The following BTF3L4 variants were observed in gnomAD, a reference collection of about 807,000 sequenced individuals.
The protein encoded by BTF3L4 is transcription factor BTF3 homolog 4.
BTF3L4 carries 6 observed loss-of-function variants against 16.8 expected under a neutral mutation model. The observed-to-expected ratio is 0.36, with a 90% CI of 0.20 to 0.71. BTF3L4 has a LOEUF of 0.71. BTF3L4 is among the 30% of genes least tolerant of loss of function. The probability of loss-of-function intolerance (pLI) is 0.58; values close to 1 mark genes in which losing one functional copy is unlikely to be tolerated. For synonymous variants in BTF3L4, 39 were observed against 59.8 expected (o/e 0.65, Z 1.60); for missense variants, 92 against 186.9 (o/e 0.49, Z 2.96).
chr1:52,082,246 CAG>C (rs1385923704), intron 3 of BTF3L4, among the ~76,000 whole-genome samples: 2 of 152,164 alleles, frequency 1.3e-5, no homozygotes, highest in East Asian at 3.8e-4. Context: ...CCTTCCATTT[CAG>C]TAAGTCCCAG....
chr1:52,085,578 G>A lies in BTF3L4; in HGVS notation c.371-534G>A, dbSNP rs1484716295. On this transcript the variant is annotated intron_variant, in intron 4 of 5. Transcript: ENST00000313334. ...AATTTTATCTTTGTAGGCCGTGTGT[G>A]GTGGCTTATGTCGGTAATCCCAGCA... is the stretch of plus-strand genomic sequence containing the variant. Among the ~76,000 whole-genome samples the A allele has an allele frequency of 3.3e-5, 5 of 152,142 alleles. No homozygotes were observed. In the East Asian group the frequency reaches 9.7e-4, roughly 29 times the overall value.
chr1:52,058,236 C>T (rs1321546783), intron 1 of BTF3L4, among the ~76,000 whole-genome samples: 1 of 152,200 alleles, frequency 6.6e-6, no homozygotes, highest in Non-Finnish European at 1.5e-5. Flanking sequence ...AAACACACTT[C>T]CTCCTATAAA....
chr1:52,087,439 C>A lies in BTF3L4; in HGVS notation c.*681C>A, dbSNP rs530863514. 1 of 152,136 alleles carries A rather than the reference C, an allele frequency of 6.6e-6. No individual in the cohort carries two copies. The highest frequency in any genetic ancestry group is 1.5e-5 in the Non-Finnish European group (1 of 68,028). 9.4% of individuals were successfully genotyped at this position (152,136 alleles called of 1,614,324 possible). A position where few individuals can be genotyped will look rare whatever the true frequency, so the allele number is the denominator to read the frequency against. On this transcript the variant is annotated 3_prime_UTR_variant, in exon 6 of 6. Transcript: ENST00000313334. Reference sequence around the variant, plus strand: ...TTTTACTAGCTTGCTTCCTAAATGCCTTTTTTCCTCTCCTTTTGGTCTCCA... The same window carrying A: ...TTTTACTAGCTTGCTTCCTAAATGCATTTTTTCCTCTCCTTTTGGTCTCCA...
chr1:52,059,903 T>G lies in BTF3L4; in HGVS notation c.54+2T>G. The G allele has an allele frequency of 1.2e-6, 2 of 1,611,060 alleles. No individual in the cohort carries two copies. Among genetic ancestry groups the G allele is most frequent in the Non-Finnish European group, 1.7e-6 (2 of 1,178,408 alleles). ...GCTCAGGTCCGGATAGGGGGCAAGG[T>G]GAGTGTGGCATAAGAAAAATTGATA... On this transcript the variant is annotated splice_donor_variant, in intron 2 of 5. Coordinates refer to ENST00000313334, the MANE Select transcript of BTF3L4 (RefSeq NM_152265.5). LOFTEE classifies it high-confidence loss of function.
intron 3 of BTF3L4, among the ~76,000 whole-genome samples, chr1:52,081,936 G>A (rs1477252429): frequency 6.6e-6 from 1 of 152,170 alleles, no homozygotes; most frequent in Admixed American, 6.6e-5. Context: ...AATCACCTCT[G>A]AGGAAGAAAA....
At chr1:52,061,792 C>T (rs999154386) in intron 2 of BTF3L4, among the ~76,000 whole-genome samples, 2 of 151,464 alleles carry the variant, frequency 1.3e-5, no homozygotes, top group African/African-American at 2.4e-5. Context: ...AGGCATATGC[C>T]ACCATGCCCA....
At chr1:52,058,781 A>G (rs2124409612) in intron 1 of BTF3L4, among the ~76,000 whole-genome samples, 1 of 152,166 alleles carries the variant, frequency 6.6e-6, no homozygotes, top group South Asian at 2.1e-4. Flanking sequence ...TTGTATTTTT[A>G]GTAAAGACAG....
intron 3 of BTF3L4, among the ~76,000 whole-genome samples, chr1:52,071,931 C>CTGTGTG (rs59491944): frequency 0.012 from 1,567 of 127,922 alleles, 14 homozygotes; most frequent in East Asian, 0.022. Context: ...GTTTTTTACT[C>CTGTGTG]TGTGTGTGTG....
chr1:52,073,577 G>A (rs1432248554), intron 3 of BTF3L4, among the ~76,000 whole-genome samples: 1 of 148,550 alleles, frequency 6.7e-6, no homozygotes, highest in African/African-American at 2.5e-5. Flanking sequence ...TTTTTGGCAG[G>A]TGCAATGACT....
chr1:52,074,993 G>A (rs1686895106), intron 3 of BTF3L4, among the ~76,000 whole-genome samples: 1 of 151,818 alleles, frequency 6.6e-6, no homozygotes, highest in Non-Finnish European at 1.5e-5. Context: ...TTGGCCTCAA[G>A]CAGTCCTCCC....
rs1686433550 is a variant in BTF3L4, at chr1:52,058,630, T to G, written c.-13-1205T>G. Among the ~76,000 whole-genome samples the G allele has an allele frequency of 1.3e-5, 2 of 152,040 alleles. 1 individual carries two copies. The highest frequency in any genetic ancestry group is 4.1e-4 in the South Asian group (2 of 4,820). On this transcript the variant is annotated intron_variant, in intron 1 of 5. Coordinates refer to ENST00000313334, the MANE Select transcript of BTF3L4 (RefSeq NM_152265.5). Reference sequence around the variant, plus strand: ...TTTTTTTTTTTTTTGAGACGGAGTTTCGCTCTTGTTGCTCAGGCTGGAGTG... The same window carrying G: ...TTTTTTTTTTTTTTGAGACGGAGTTGCGCTCTTGTTGCTCAGGCTGGAGTG...
At chr1:52,059,773 A>G in intron 1 of BTF3L4, 62 bp from the exon 2 acceptor site, 2 of 1,448,844 alleles carry the variant, frequency 1.4e-6, no homozygotes, top group Non-Finnish European at 1.9e-6. Context: ...GTACTGTTGC[A>G]TAAACAGTTT....
At chr1:52,061,270 G>T (rs1255490657) in intron 2 of BTF3L4, among the ~76,000 whole-genome samples, 2 of 151,962 alleles carry the variant, frequency 1.3e-5, no homozygotes, top group Non-Finnish European at 2.9e-5. Context: ...GGGTGGATCA[G>T]TTGAGGTCAG....
chr1:52,080,519 GTTTTTTTTTTTTT>G lies in BTF3L4; in HGVS notation c.169-2801_169-2789del, dbSNP rs753783341. On this transcript the variant is annotated intron_variant, in intron 3 of 5. Coordinates refer to ENST00000313334, the MANE Select transcript of BTF3L4 (RefSeq NM_152265.5). ...ATTTTAGAAATCTTTGGTTTTTTGG[GTTTTTTTTTTTTT>G]TTTTTTTTTTTTTTTTTTTGAGACG... Among the ~76,000 whole-genome samples, 94 of 70,248 alleles carry G rather than the reference GTTTTTTTTTTTTT, an allele frequency of 1.3e-3. No individual in the cohort carries two copies. In the South Asian group the frequency reaches 0.064, roughly 48 times the overall value. 46.1% of individuals were successfully genotyped at this position (70,248 alleles called of 152,430 possible).
intron 4 of BTF3L4, among the ~76,000 whole-genome samples, chr1:52,084,623 C>G (rs1178328473): frequency 6.6e-6 from 1 of 151,836 alleles, no homozygotes; most frequent in Admixed American, 6.6e-5. Context: ...GAGACCCTAT[C>G]TGTACAAAAA....
intron 3 of BTF3L4, among the ~76,000 whole-genome samples, chr1:52,074,826 A>G (rs1686890561): frequency 6.6e-6 from 1 of 152,060 alleles, no homozygotes; most frequent in South Asian, 2.1e-4. Flanking sequence ...GTTTTAAAAG[A>G]ATCATTTTTA....
intron 1 of BTF3L4, among the ~76,000 whole-genome samples, chr1:52,057,462 G>A (rs1298152024): frequency 3.3e-5 from 5 of 152,286 alleles, no homozygotes; most frequent in Non-Finnish European, 7.4e-5. Flanking sequence ...TCTCCCTTCT[G>A]GGCCCTTATT....
At chr1:52,072,989 C>T (rs537621953) in intron 3 of BTF3L4, among the ~76,000 whole-genome samples, 5 of 151,958 alleles carry the variant, frequency 3.3e-5, no homozygotes, top group African/African-American at 7.2e-5. Context: ...ACCTGGGAGG[C>T]GGAGGTTGCA....
intron 5 of BTF3L4, 158 bp downstream of exon 5, chr1:52,086,329 A>C (rs2985749): frequency 0.037 from 19,411 of 530,850 alleles, 1,804 homozygotes; most frequent in African/African-American, 0.24. Flanking sequence ...CAACGTAAGC[A>C]CCCACCTTAG....
Sources: allele counts gnomAD v4.1 joint callset (sites outside exome capture counted in the v4.1 genomes callset), GRCh38; gene constraint gnomAD v4.1.1; transcripts MANE v1.5; gene names NCBI Gene and HGNC (gene_info 2026-07-23, HGNC 2026-07-21).